Variants in USH2A observed in about 807,000 individuals in gnomAD.
USH2A encodes the protein Usher syndrome 2A (autosomal recessive, mild).
In USH2A, 443 loss-of-function variants were observed where a neutral mutation model predicts 538.9. The observed-to-expected ratio is 0.82, with a 90% CI of 0.76 to 0.89. The LOEUF (loss-of-function observed/expected upper bound fraction) is 0.89, where lower values mean the gene tolerates loss of function less well. Ranked by LOEUF, USH2A falls within the 40% of genes least tolerant of loss-of-function variation. The probability of loss-of-function intolerance (pLI) is 0.00; values close to 1 mark genes in which losing one functional copy is unlikely to be tolerated. For synonymous variants in USH2A, 2,413 were observed against 2,273.5 expected, an observed-to-expected ratio of 1.06 and a Z score of -1.75; for missense variants, 6,633 against 6,324.8, an observed-to-expected ratio of 1.05 and a Z score of -1.65.
At chr1:216,349,588 C>T (rs937344112) in intron 4 of USH2A, among the ~76,000 whole-genome samples, 6 of 152,130 alleles carry the variant, frequency 3.9e-5, no homozygotes, top group African/African-American at 1.4e-4. Context: ...CTGATACTCT[C>T]CCATCAGTAC....
intron 64 of USH2A, among the ~76,000 whole-genome samples, chr1:215,656,827 A>G (rs937101475): frequency 2.0e-5 from 3 of 152,264 alleles, no homozygotes. Context: ...AGGAGACATA[A>G]TTGTTTATAA....
chr1:216,317,697 C>A (rs1182129178), intron 9 of USH2A, among the ~76,000 whole-genome samples: 1 of 150,970 alleles, frequency 6.6e-6, no homozygotes, highest in African/African-American at 2.4e-5. Context: ...AAAAAAAATA[C>A]AAAAAGTTAG....
chr1:216,187,796 A>T (rs1261527727), intron 20 of USH2A, among the ~76,000 whole-genome samples: 2 of 151,930 alleles, frequency 1.3e-5, no homozygotes, highest in Non-Finnish European at 2.9e-5. Context: ...AACTAATTCT[A>T]ATCCTCATCA....
At chr1:216,113,154 AAAC>A (rs1020559902) in intron 21 of USH2A, among the ~76,000 whole-genome samples, 9 of 149,010 alleles carry the variant, frequency 6.0e-5, no homozygotes, top group East Asian at 2.0e-4. Context: ...AAAAAAAAAA[AAAC>A]AAAACAAGAA....
chr1:216,123,963 CA>C lies in USH2A; in HGVS notation c.4628-26751del, dbSNP rs1163998064. On this transcript the variant is annotated intron_variant, in intron 21 of 71. Transcript: ENST00000307340. ...CTCATCTCCTCTGTTAATGACTCTA[CA>C]GCTATAAACCAGGCTTGACTATGTT... is the stretch of plus-strand genomic sequence containing the variant. Among the ~76,000 whole-genome samples the C allele has an allele frequency of 3.3e-5, 5 of 152,238 alleles. No homozygotes were observed. The East Asian group carries it at 9.7e-4, about 29-fold the overall frequency.
chr1:216,343,525 TA>T (rs11370265), intron 4 of USH2A, among the ~76,000 whole-genome samples: 2,318 of 135,310 alleles, frequency 0.017, 37 homozygotes, highest in African/African-American at 0.052. Context: ...TACTACATCT[TA>T]AAAAAAAAAA....
chr1:215,868,014 A>G (rs914933634), intron 43 of USH2A, among the ~76,000 whole-genome samples: 13 of 152,306 alleles, frequency 8.5e-5, no homozygotes, highest in African/African-American at 3.1e-4. Flanking sequence ...AATAGCTTAG[A>G]CTGAGATACT....
chr1:216,313,389 C>T (rs956837478), intron 9 of USH2A, among the ~76,000 whole-genome samples: 15 of 152,154 alleles, frequency 9.9e-5, no homozygotes, highest in African/African-American at 3.6e-4. Flanking sequence ...TGGCTGTGAA[C>T]TTTACAAGTA....
chr1:215,866,861 A>G (rs1664482604), intron 44 of USH2A, 146 bp downstream of exon 44: 2 of 1,112,172 alleles, frequency 1.8e-6, no homozygotes, highest in Non-Finnish European at 2.6e-6. Flanking sequence ...TTTCAATGAC[A>G]GCCCTGTCAA....
intron 11 of USH2A, among the ~76,000 whole-genome samples, chr1:216,283,048 T>C (rs925742186): frequency 6.6e-6 from 1 of 152,184 alleles, no homozygotes; most frequent in Non-Finnish European, 1.5e-5. Flanking sequence ...CTTTGTGTAT[T>C]GATATTGTAC....
intron 4 of USH2A, among the ~76,000 whole-genome samples, chr1:216,343,403 G>T (rs1011641922): frequency 1.3e-5 from 2 of 150,160 alleles, no homozygotes; most frequent in African/African-American, 4.9e-5. Flanking sequence ...AGCCAGGCAT[G>T]GTGGTGTGCA....
rs139387418 is a variant in USH2A, at chr1:216,027,094, G to A, written c.6325+19337C>T. Among the ~76,000 whole-genome samples, 420 of 152,134 alleles carry A rather than the reference G, an allele frequency of 2.8e-3. 1 individual carries two copies. The highest frequency in any genetic ancestry group is 9.2e-3 in the African/African-American group (382 of 41,510). Reference sequence around the variant, plus strand: ...CTCTGCTATAGGCTGAATTTTGTCCGTCCAAAATTCATAAATTGACATTCT... The same window carrying A: ...CTCTGCTATAGGCTGAATTTTGTCCATCCAAAATTCATAAATTGACATTCT... On this transcript the variant is annotated intron_variant, in intron 32 of 71. Coordinates refer to ENST00000307340, the MANE Select transcript of USH2A (RefSeq NM_206933.4).
intron 64 of USH2A, among the ~76,000 whole-genome samples, chr1:215,664,984 T>C (rs1328574748): frequency 6.6e-6 from 1 of 152,242 alleles, no homozygotes; most frequent in East Asian, 1.9e-4. Flanking sequence ...AAGAGGTTAA[T>C]GTGCTCAAAT....
intron 15 of USH2A, among the ~76,000 whole-genome samples, chr1:216,210,013 T>G (rs966312247): frequency 1.3e-5 from 2 of 152,130 alleles, no homozygotes; most frequent in African/African-American, 4.8e-5. Context: ...ACCTACCTTG[T>G]CTGACTGTGG....
intron 43 of USH2A, among the ~76,000 whole-genome samples, chr1:215,870,167 T>C (rs769608211): frequency 6.6e-6 from 1 of 152,352 alleles, no homozygotes; most frequent in East Asian, 1.9e-4. Flanking sequence ...TTCCACTTTT[T>C]AAAAATTTAA....
chr1:216,324,093 C>T, intron 7 of USH2A, 75 bp downstream of exon 7: 1 of 1,514,344 alleles, frequency 6.6e-7, no homozygotes, highest in Admixed American at 1.9e-5. Flanking sequence ...CTCCACCAGC[C>T]TAGAGAGCTA....
intron 64 of USH2A, among the ~76,000 whole-genome samples, chr1:215,653,963 T>C (rs553074653): frequency 6.6e-6 from 1 of 152,154 alleles, no homozygotes; most frequent in Non-Finnish European, 1.5e-5. Context: ...AATCAATAAA[T>C]AAAATATCTT....
intron 21 of USH2A, among the ~76,000 whole-genome samples, chr1:216,130,498 T>C (rs533146997): frequency 8.7e-5 from 13 of 148,580 alleles, no homozygotes; most frequent in Non-Finnish European, 1.9e-4. Context: ...CTAATTCCTT[T>C]GTATGGCTGA....
rs1265972062 is a variant in USH2A at position 216,097,112 on chromosome 1, C to T, written c.4729G>A (p.Gly1577Arg). ...EEYFALQLKK[G>R]RLYFLFDPQG... ...GGATCAAAAAGAAAATAAAGACGTC[C>T]CTTCTTCAACTGAAGTGCAAAATAC... Residue 1577 changes from glycine to arginine, a missense_variant, in exon 22 of 72, where the codon GGA (glycine) becomes AGA (arginine). Gly to Arg is a moderately radical substitution (Grantham distance 125). Transcript: ENST00000307340. 1.4e-5 allele frequency: 23 copies of T among 1,613,876 alleles called. No homozygotes were observed. Among genetic ancestry groups the T allele is most frequent in the Non-Finnish European group, 1.9e-5 (23 of 1,179,982 alleles).
Sources: gnomAD v4.1 joint callset for allele counts (sites outside exome capture counted in the v4.1 genomes callset) on GRCh38, gnomAD v4.1.1 for gene constraint, MANE v1.5 for transcripts, NCBI Gene and HGNC (gene_info 2026-07-23, HGNC 2026-07-21) for gene names.